The following CLIP1 variants were observed in gnomAD, a reference collection of about 807,000 sequenced individuals.
The protein encoded by CLIP1 is CAP-Gly domain containing linker protein 1, also known as CAP-Gly domain-containing linker protein 1.
CLIP1 carries 66 observed loss-of-function variants against 161.6 expected under a neutral mutation model. That is an observed-to-expected ratio of 0.41 (90% confidence interval 0.33 to 0.50). The LOEUF is 0.50. CLIP1 is among the 20% of genes least tolerant of loss of function. CLIP1 has a pLI of 0.27. For missense variants in CLIP1, 1,376 were observed against 1,702.0 expected (o/e 0.81, Z 3.37); for synonymous variants, 598 against 626.2 (o/e 0.96, Z 0.67).
intron 24 of CLIP1, chr12:122,277,509 G>A (rs1955478373): frequency 6.6e-6 from 1 of 152,018 alleles, no homozygotes. Flanking sequence ...TAAAACTAAA[G>A]TTGTTTTGTT....
intron 17 of CLIP1, among the ~76,000 whole-genome samples, chr12:122,326,691 A>G (rs868837306): frequency 1.3e-5 from 2 of 152,066 alleles, no homozygotes; most frequent in Admixed American, 6.6e-5. Flanking sequence ...AAAACAAACA[A>G]CAACCGAGGA....
At chr12:122,409,776 C>G (rs978133540) in intron 1 of CLIP1, among the ~76,000 whole-genome samples, 12 of 152,178 alleles carry the variant, frequency 7.9e-5, no homozygotes, top group African/African-American at 2.7e-4. Flanking sequence ...AGGTGATCTA[C>G]CCACCTTGGC....
intron 1 of CLIP1, among the ~76,000 whole-genome samples, chr12:122,384,149 C>T (rs10846746): frequency 0.2 from 30,619 of 152,172 alleles, 3,495 homozygotes; most frequent in Admixed American, 0.26. Flanking sequence ...ACTTGTTCAT[C>T]ACCTGTCTCC....
chr12:122,315,607 GTCATT>G (rs1003473741), intron 19 of CLIP1, among the ~76,000 whole-genome samples: 1 of 151,286 alleles, frequency 6.6e-6, no homozygotes, highest in African/African-American at 2.4e-5. Flanking sequence ...CAAAATGCTG[GTCATT>G]TCATTTCCAT....
chr12:122,319,273 A>T lies in CLIP1; in HGVS notation c.3325T>A (p.Leu1109Met). 1 of 1,614,006 alleles carries T rather than the reference A, an allele frequency of 6.2e-7. No individual in the cohort carries two copies. The highest frequency in any genetic ancestry group is 8.5e-7 in the Non-Finnish European group (1 of 1,179,814). ...GCATTTGTTTGCTTGGTGTCCTCCA[A>T]GGAGGCCAGAGTCTCAGTCTTCTCT... The part of the protein sequence containing the change: ...TKEKTETLAS[L>M]EDTKQTNAKL... Residue 1109 changes from leucine (L) to methionine (M), a missense_variant, in exon 18 of 26, where the codon TTG becomes ATG. Coordinates refer to ENST00000620786, the MANE Select transcript of CLIP1 (RefSeq NM_001247997.2).
chr12:122,274,058 A>G lies in CLIP1; in HGVS notation c.4071T>C (p.Asp1357=). ...MSEAALNGNG[D]DLNNYDSDDQ... ...AATACCTGTCATAATTGTTTAGGTC[A>G]TCCCCGTTCCCATTCAGGGCTGCTT... The change falls in exon 25 of 26, where the codon GAT becomes GAC. Residue 1357 remains aspartate (D), a synonymous_variant. Coordinates refer to ENST00000620786, the MANE Select transcript of CLIP1 (RefSeq NM_001247997.2). The G allele has an allele frequency of 6.2e-7, 1 of 1,613,878 alleles. No homozygotes were observed. Among genetic ancestry groups the G allele is most frequent in the Non-Finnish European group, 8.5e-7 (1 of 1,179,882 alleles).
At chr12:122,290,263 T>C (rs1956046012) in intron 20 of CLIP1, among the ~76,000 whole-genome samples, 2 of 152,302 alleles carry the variant, frequency 1.3e-5, no homozygotes, top group Admixed American at 1.3e-4. Flanking sequence ...ATGAAATCTG[T>C]AAATGTTAAC....
At chr12:122,307,825 TG>T (rs1307067808) in intron 20 of CLIP1, among the ~76,000 whole-genome samples, 2 of 152,238 alleles carry the variant, frequency 1.3e-5, no homozygotes, top group African/African-American at 2.4e-5. Context: ...TAATCTTTCT[TG>T]GTAATCAATG....
At chr12:122,318,657 C>T (rs1487836095) in intron 18 of CLIP1, among the ~76,000 whole-genome samples, 1 of 152,126 alleles carries the variant, frequency 6.6e-6, no homozygotes, top group Admixed American at 6.6e-5. Flanking sequence ...AACAGCTTTC[C>T]AAATGAAGAA....
intron 20 of CLIP1, among the ~76,000 whole-genome samples, chr12:122,306,451 C>G (rs1950877502): frequency 6.6e-6 from 1 of 152,142 alleles, no homozygotes; most frequent in Non-Finnish European, 1.5e-5. Context: ...TCACCAAACA[C>G]CCATGCATTC....
chr12:122,358,505 C>A (rs1286550288), intron 5 of CLIP1, among the ~76,000 whole-genome samples: 1 of 150,350 alleles, frequency 6.7e-6, no homozygotes. Context: ...TGGAAGGGGG[C>A]AGTATGGCAT....
chr12:122,405,713 G>A (rs972268171), intron 1 of CLIP1, among the ~76,000 whole-genome samples: 3 of 151,832 alleles, frequency 2.0e-5, no homozygotes, highest in Non-Finnish European at 4.4e-5. Flanking sequence ...ACTTGAGCAA[G>A]GGAGGCAGAG....
chr12:122,350,078 TATTTTTAGTAG>T (rs1187587987), intron 9 of CLIP1, among the ~76,000 whole-genome samples: 1 of 151,834 alleles, frequency 6.6e-6, no homozygotes, highest in East Asian at 1.9e-4. Flanking sequence ...CTAATTTTTG[TATTTTTAGTAG>T]AGACAGGGTT....
At chr12:122,310,565 G>A (rs1467729891) in intron 19 of CLIP1, among the ~76,000 whole-genome samples, 1 of 152,110 alleles carries the variant, frequency 6.6e-6, no homozygotes, top group South Asian at 2.1e-4. Context: ...TATCAGCATA[G>A]AAAAAATGAA....
intron 8 of CLIP1, 75 bp from the exon 9 acceptor site, chr12:122,351,218 G>T: frequency 3.4e-6 from 3 of 878,920 alleles, no homozygotes; most frequent in Non-Finnish European, 3.3e-6. Context: ...ATGTGTTAGG[G>T]TTTCAAGATA....
At chr12:122,415,738 G>C (rs900028252) in intron 1 of CLIP1, among the ~76,000 whole-genome samples, 1 of 151,648 alleles carries the variant, frequency 6.6e-6, no homozygotes, top group African/African-American at 2.4e-5. Flanking sequence ...AGAATTGCTT[G>C]AACCCGGGAG....
At position 122,318,110 on chromosome 12, in the gene CLIP1, T is replaced by C. The variant is rs566697730; in HGVS notation, c.3366+1122A>G. On this transcript the variant is annotated intron_variant, in intron 18 of 25. Coordinates refer to ENST00000620786, the MANE Select transcript of CLIP1 (RefSeq NM_001247997.2). The stretch of plus-strand genomic sequence containing the variant: ...TATTTATCATATCATTACCTCCAAA[T>C]GTTCATCTCCTTTGAAAAGTTGATC... Among the ~76,000 whole-genome samples the C allele has an allele frequency of 7.2e-5, 11 of 152,372 alleles. No homozygotes were observed. The East Asian group carries it at 2.1e-3, about 29-fold the overall frequency.
At chr12:122,381,953 A>G (rs922668481) in intron 1 of CLIP1, among the ~76,000 whole-genome samples, 2 of 152,264 alleles carry the variant, frequency 1.3e-5, no homozygotes, top group Non-Finnish European at 2.9e-5. Flanking sequence ...GACCAGGTGC[A>G]CTGGCTCACG....
At chr12:122,298,756 A>G (rs1051427110) in intron 20 of CLIP1, among the ~76,000 whole-genome samples, 6 of 152,120 alleles carry the variant, frequency 3.9e-5, no homozygotes, top group African/African-American at 1.4e-4. Context: ...GGAGTTCAAG[A>G]CCAGCCTGGT....
Sources: gnomAD v4.1 joint callset for allele counts (sites outside exome capture counted in the v4.1 genomes callset) on GRCh38, gnomAD v4.1.1 for gene constraint, MANE v1.5 for transcripts, NCBI Gene and HGNC (gene_info 2026-07-23, HGNC 2026-07-21) for gene names.